MTHFD1: variants seen among roughly 807,000 people sequenced by gnomAD.
MTHFD1 encodes the protein methylenetetrahydrofolate dehydrogenase, cyclohydrolase and formyltetrahydrofolate synthetase 1, also known as C-1-tetrahydrofolate synthase, cytoplasmic.
A neutral mutation model predicts 110.3 loss-of-function variants in MTHFD1; 44 were observed. That is an observed-to-expected ratio of 0.40 (90% confidence interval 0.31 to 0.51). The LOEUF is 0.51. Ranked by LOEUF, MTHFD1 falls within the 20% of genes least tolerant of loss-of-function variation. MTHFD1 has a pLI of 0.60. For missense variants in MTHFD1, 909 were observed against 1,173.1 expected, an observed-to-expected ratio of 0.77 and a Z score of 3.29; for synonymous variants, 402 against 428.8, an observed-to-expected ratio of 0.94 and a Z score of 0.77.
intron 22 of MTHFD1, among the ~76,000 whole-genome samples, chr14:64,446,628 G>A (rs946864767): frequency 8.0e-5 from 12 of 150,550 alleles, no homozygotes; most frequent in African/African-American, 2.9e-4. Flanking sequence ...TGCAAGCTCC[G>A]CCTCCTGGGT....
Position 64,414,568 on chromosome 14 carries a change from T to C in MTHFD1, c.241-790T>C, listed in dbSNP as rs754650100. 7.9e-4 allele frequency among the ~76,000 whole-genome samples: 120 copies of C among 151,620 alleles called. 4 individuals are homozygous for C. Among genetic ancestry groups the C allele is most frequent in the Non-Finnish European group, 3.1e-4 (21 of 67,938 alleles). ...CTATTGTATTGTAAGGTGCAAATTA[T>C]AGAAAATAATTTTCTATATTTTGGG... On this transcript the variant is annotated intron_variant, in intron 4 of 27. Transcript: ENST00000652337.
intron 1 of MTHFD1, among the ~76,000 whole-genome samples, chr14:64,389,779 T>C (rs2077790249): frequency 6.6e-6 from 1 of 152,216 alleles, no homozygotes; most frequent in African/African-American, 2.4e-5. Context: ...CTAAACTGTA[T>C]TTCTGCTTTA....
At chr14:64,441,741 T>C in intron 19 of MTHFD1, 1 of 548,556 alleles carries the variant, frequency 1.8e-6, no homozygotes, top group Non-Finnish European at 3.3e-6. Context: ...AGGCAGAGCT[T>C]GCAGTGAGCC....
chr14:64,407,174 G>C (rs1161327072), intron 2 of MTHFD1, among the ~76,000 whole-genome samples: 1 of 152,074 alleles, frequency 6.6e-6, no homozygotes, highest in African/African-American at 2.4e-5. Flanking sequence ...CATTATAAGA[G>C]ATACTAATGG....
intron 22 of MTHFD1, 97 bp downstream of exon 22, chr14:64,444,831 C>A: frequency 7.2e-7 from 1 of 1,388,612 alleles, no homozygotes; most frequent in Non-Finnish European, 1.0e-6. Context: ...TGGGTTATTG[C>A]TGTGACCCAG....
At chr14:64,443,510 T>C (rs2078264341) in intron 21 of MTHFD1, among the ~76,000 whole-genome samples, 1 of 152,164 alleles carries the variant, frequency 6.6e-6, no homozygotes, top group African/African-American at 2.4e-5. Flanking sequence ...AAAAGGGCCA[T>C]AAGATGTTAC....
intron 3 of MTHFD1, among the ~76,000 whole-genome samples, chr14:64,411,670 C>T (rs911152825): frequency 1.3e-4 from 20 of 152,106 alleles, no homozygotes; most frequent in Non-Finnish European, 2.5e-4. Context: ...GAGGCCGAGG[C>T]GGGCGGATCA....
At chr14:64,388,605 G>A in intron 1 of MTHFD1, 137 bp downstream of exon 1, 1 of 804,114 alleles carries the variant, frequency 1.2e-6, no homozygotes, top group East Asian at 2.7e-5. Context: ...AAGACCTGCA[G>A]CCAAAGAAAG....
In MTHFD1 at chr14:64,439,352, T is replaced by G. The variant is rs186726966; in HGVS notation, c.1674+180T>G. 2.2e-5 allele frequency: 14 copies of G among 636,306 alleles called. No homozygotes were observed. In the East Asian group the frequency reaches 3.9e-4, roughly 18 times the overall value. 39.4% of individuals were successfully genotyped at this position (636,306 alleles called of 1,614,324 possible). On this transcript the variant is annotated intron_variant, in intron 17 of 27. Transcript: ENST00000652337. ...CACTCCTGACAGCTTTTGCAATAAA[T>G]CCCATGTGTCACCTGTGTGTTTTTC... is the stretch of plus-strand genomic sequence containing the variant.
At chr14:64,410,632 C>A (rs1437926702) in intron 2 of MTHFD1, among the ~76,000 whole-genome samples, 1 of 152,086 alleles carries the variant, frequency 6.6e-6, no homozygotes, top group Non-Finnish European at 1.5e-5. Context: ...GTCTGTGTGG[C>A]GGGGCCAGGG....
rs372249757 is a variant in MTHFD1 at position 64,449,605 on chromosome 14, C to A, written c.2440C>A (p.Leu814Ile). Residue 814 changes from leucine to isoleucine, a missense_variant, in exon 24 of 28, where the codon CTC (leucine) becomes ATC (isoleucine). By Grantham distance (5) the Leu-to-Ile change is conservative. Around this residue, in one of 3 missense-constraint regions of MTHFD1, gnomAD observed 482 missense variants for 646.0 expected, o/e 0.75. Transcript: ENST00000652337. ...AGCACAAGCACCCAGCAGCTTCCAG[C>A]TCCTTTATGACCTCAAGGTGGGTGA... is the stretch of plus-strand genomic sequence containing the variant. ...RAAQAPSSFQ[L>I]LYDLKLPVED... The A allele has an allele frequency of 3.7e-6, 6 of 1,614,032 alleles. No homozygotes were observed. The African/African-American group carries it at 6.7e-5, about 18-fold the overall frequency.
At chr14:64,423,061 G>A (rs1393055328) in intron 8 of MTHFD1, 1 of 152,116 alleles carries the variant, frequency 6.6e-6, no homozygotes, top group African/African-American at 2.4e-5. Context: ...GTGTGAAGAC[G>A]ATTGAAACTT....
intron 16 of MTHFD1, among the ~76,000 whole-genome samples, chr14:64,438,656 G>A (rs931425844): frequency 1.3e-5 from 2 of 152,154 alleles, no homozygotes; most frequent in South Asian, 4.1e-4. Flanking sequence ...CTGGCACCCA[G>A]CGTGTTTCAA....
intron 24 of MTHFD1, among the ~76,000 whole-genome samples, chr14:64,452,462 C>T (rs908162137): frequency 6.6e-6 from 1 of 152,108 alleles, no homozygotes; most frequent in African/African-American, 2.4e-5. Flanking sequence ...AATCTTAATG[C>T]CCTGAACTAG....
intron 21 of MTHFD1, among the ~76,000 whole-genome samples, chr14:64,443,885 T>C (rs952760125): frequency 2.0e-5 from 3 of 152,184 alleles, no homozygotes; most frequent in African/African-American, 7.2e-5. Flanking sequence ...CCTGCTCTCA[T>C]TAGCTTGCTG....
At chr14:64,435,052 C>CAG (rs1403841854) in intron 15 of MTHFD1, among the ~76,000 whole-genome samples, 1 of 142,918 alleles carries the variant, frequency 7.0e-6, no homozygotes, top group African/African-American at 2.6e-5. Context: ...TGGGTTCAAG[C>CAG]AGTTCTGCTG....
At chr14:64,458,483 G>A (rs1386855692) in intron 27 of MTHFD1, 176 bp downstream of exon 27, 2 of 649,152 alleles carry the variant, frequency 3.1e-6, no homozygotes, top group Non-Finnish European at 5.6e-6. Flanking sequence ...CCAATGAATT[G>A]AAATATTTAT....
At chr14:64,445,584 A>G (rs2078283525) in intron 22 of MTHFD1, among the ~76,000 whole-genome samples, 1 of 152,220 alleles carries the variant, frequency 6.6e-6, no homozygotes, top group Admixed American at 6.5e-5. Context: ...ATACAGGGTC[A>G]CTGTTCAGGC....
rs1230095677 is a variant in MTHFD1, at chr14:64,391,756, G to A, written c.41+3288G>A. 3.3e-5 allele frequency among the ~76,000 whole-genome samples: 5 copies of A among 152,148 alleles called. No individual in the cohort carries two copies. In the South Asian group the frequency reaches 6.2e-4, roughly 19 times the overall value. On this transcript the variant is annotated intron_variant, in intron 1 of 27. Coordinates refer to ENST00000652337, the MANE Select transcript of MTHFD1 (RefSeq NM_005956.4). ...AGTTTGCAGCCTGAATTTGACAACCGGGGGAAGGTCTGAGAGTTAGAGACA... is the reference window on the plus strand; with the variant it reads ...AGTTTGCAGCCTGAATTTGACAACCAGGGGAAGGTCTGAGAGTTAGAGACA...
Sources: allele counts gnomAD v4.1 joint callset (sites outside exome capture counted in the v4.1 genomes callset), GRCh38; gene constraint gnomAD v4.1.1; regional missense constraint gnomAD v4.1.1; transcripts MANE v1.5; gene names NCBI Gene and HGNC (gene_info 2026-07-23, HGNC 2026-07-21).